The following JMJD1C variants were observed in gnomAD, a reference collection of about 807,000 sequenced individuals.
The protein encoded by JMJD1C is jumonji domain-containing protein 1C.
A neutral mutation model predicts 245.3 loss-of-function variants in JMJD1C; 31 were observed. The observed-to-expected ratio is 0.13, with a 90% CI of 0.09 to 0.17. The LOEUF (loss-of-function observed/expected upper bound fraction) is 0.17. Among genes scored for constraint, JMJD1C ranks in the 10% least tolerant of loss-of-function variants. JMJD1C has a pLI of 1.00. For synonymous variants in JMJD1C, 1,057 were observed against 1,017.4 expected, an observed-to-expected ratio of 1.04 and a Z score of -0.74; for missense variants, 2,691 against 3,000.2, an observed-to-expected ratio of 0.90 and a Z score of 2.41.
chr10:63,389,364 A>G (rs1020746285), intron 1 of JMJD1C, among the ~76,000 whole-genome samples: 3 of 150,628 alleles, frequency 2.0e-5, no homozygotes, highest in Non-Finnish European at 4.4e-5. Context: ...GAGAAAGAGT[A>G]CAATAATAAT....
chr10:63,454,095 T>C (rs1456735525), intron 1 of JMJD1C, among the ~76,000 whole-genome samples: 2 of 152,176 alleles, frequency 1.3e-5, no homozygotes, highest in African/African-American at 2.4e-5. Flanking sequence ...TTTAACTTTT[T>C]AATGGTTACT....
intron 1 of JMJD1C, among the ~76,000 whole-genome samples, chr10:63,495,012 A>G (rs949662270): frequency 1.3e-5 from 2 of 152,198 alleles, no homozygotes; most frequent in African/African-American, 2.4e-5. Context: ...ACAATTTAGT[A>G]TTTATAATGC....
At chr10:63,304,652 TG>T (rs1329685737) in intron 2 of JMJD1C, among the ~76,000 whole-genome samples, 1 of 152,240 alleles carries the variant, frequency 6.6e-6, no homozygotes, top group Non-Finnish European at 1.5e-5. Flanking sequence ...GACAATAGTC[TG>T]TATAGTAAAA....
chr10:63,244,891 C>T (rs1259550828), intron 3 of JMJD1C, among the ~76,000 whole-genome samples: 2 of 151,756 alleles, frequency 1.3e-5, no homozygotes, highest in African/African-American at 4.8e-5. Flanking sequence ...AATCCCAGCA[C>T]TTTGGGAGGC....
intron 2 of JMJD1C, among the ~76,000 whole-genome samples, chr10:63,295,749 G>A (rs1859300319): frequency 6.6e-6 from 1 of 151,850 alleles, no homozygotes; most frequent in Non-Finnish European, 1.5e-5. Flanking sequence ...TTTAAACAAT[G>A]AATTAGTAAA....
chr10:63,173,632 G>T (rs1842603050), intron 24 of JMJD1C, among the ~76,000 whole-genome samples: 1 of 152,058 alleles, frequency 6.6e-6, no homozygotes, highest in Non-Finnish European at 1.5e-5. Context: ...TGTGGTGGGG[G>T]GATCACTTGA....
At chr10:63,422,766 A>C (rs1456530061) in intron 1 of JMJD1C, among the ~76,000 whole-genome samples, 2 of 152,220 alleles carry the variant, frequency 1.3e-5, no homozygotes, top group African/African-American at 4.8e-5. Flanking sequence ...AAATATTCAA[A>C]TGGATGATAT....
At chr10:63,242,939 T>TGAA in intron 3 of JMJD1C, among the ~76,000 whole-genome samples, 1 of 151,540 alleles carries the variant, frequency 6.6e-6, no homozygotes, top group South Asian at 2.1e-4. Flanking sequence ...AAATAAAAAT[T>TGAA]TAAGTGGTTA....
intron 2 of JMJD1C, among the ~76,000 whole-genome samples, chr10:63,265,473 C>T (rs1855447786): frequency 6.6e-6 from 1 of 152,110 alleles, no homozygotes; most frequent in African/African-American, 2.4e-5. Context: ...TGAGATTTAA[C>T]TCGTATCTTG....
chr10:63,367,354 C>A (rs1288389705), intron 2 of JMJD1C, among the ~76,000 whole-genome samples: 1 of 152,128 alleles, frequency 6.6e-6, no homozygotes, highest in East Asian at 1.9e-4. Flanking sequence ...TCGAGCAATT[C>A]TCCTGCCTCA....
exon 1 of JMJD1C, chr10:63,521,798 G>T: frequency 3.3e-6 from 1 of 305,016 alleles, no homozygotes; most frequent in Admixed American, 5.1e-5. Flanking sequence ...CGGCGACTGC[G>T]GCTGCGACGG....
At chr10:63,263,825 T>C (rs568592937) in intron 3 of JMJD1C, among the ~76,000 whole-genome samples, 73 of 150,872 alleles carry the variant, frequency 4.8e-4, no homozygotes, top group Admixed American at 1.1e-3. Context: ...CCAGCTGCTC[T>C]GGAGGCTGAG....
intron 1 of JMJD1C, among the ~76,000 whole-genome samples, chr10:63,381,759 C>A (rs985757760): frequency 3.9e-5 from 6 of 152,090 alleles, no homozygotes; most frequent in African/African-American, 1.2e-4. Flanking sequence ...TCAGATTATA[C>A]CCCTTAGTTA....
chr10:63,513,917 GATAAAATAAAATAAA>G (rs566826128), intron 1 of JMJD1C, among the ~76,000 whole-genome samples: 5 of 151,378 alleles, frequency 3.3e-5, no homozygotes, highest in African/African-American at 1.2e-4. Flanking sequence ...TAGCTCAAAA[GATAAAATAAAATAAA>G]ATAAAATAAA....
At chr10:63,219,435 G>T (rs1236903065) in intron 4 of JMJD1C, among the ~76,000 whole-genome samples, 2 of 152,138 alleles carry the variant, frequency 1.3e-5, no homozygotes, top group Non-Finnish European at 2.9e-5. Context: ...GTCACACGTT[G>T]TAACATACTA....
chr10:63,491,646 G>T (rs531696741), intron 1 of JMJD1C, among the ~76,000 whole-genome samples: 49 of 152,266 alleles, frequency 3.2e-4, no homozygotes, highest in African/African-American at 1.2e-3. Context: ...CTGAAAATTT[G>T]CTTTGGAGTA....
At chr10:63,510,517 T>C (rs948139576) in intron 1 of JMJD1C, among the ~76,000 whole-genome samples, 6 of 152,268 alleles carry the variant, frequency 3.9e-5, no homozygotes, top group Non-Finnish European at 8.8e-5. Flanking sequence ...TTTCTAGCTA[T>C]CTTTCAGTTA....
At position 63,193,427 on chromosome 10, in the gene JMJD1C, T is replaced by A. The variant is rs1434364861; in HGVS notation, c.5780A>T (p.Tyr1927Phe). Reference sequence around the variant, plus strand: ...ACAATGACAATGGGATTTAATACCATATTTTTCCCTAAGAGTGTGCATGGC... The same window carrying A: ...ACAATGACAATGGGATTTAATACCAAATTTTTCCCTAAGAGTGTGCATGGC... ...LDAMHTLREK[Y>F]GIKSHCHCTN... The change falls in exon 15 of 26, where the codon TAT becomes TTT. Residue 1927 changes from tyrosine (Y) to phenylalanine (F), a missense_variant. By Grantham distance (22) the Tyr-to-Phe change is conservative. This residue lies in a region of JMJD1C where 275 missense variants were observed against 285.5 expected (regional missense o/e 0.96). Coordinates refer to ENST00000399262, the MANE Select transcript of JMJD1C (RefSeq NM_032776.3). 1.3e-6 allele frequency: 2 copies of A among 1,599,312 alleles called. No homozygotes were observed. Among genetic ancestry groups the A allele is most frequent in the East Asian group, 4.5e-5 (2 of 44,706 alleles).
intron 2 of JMJD1C, among the ~76,000 whole-genome samples, chr10:63,266,496 T>C (rs1246366335): frequency 1.3e-5 from 2 of 152,134 alleles, no homozygotes; most frequent in South Asian, 2.1e-4. Context: ...ACGTGACCAA[T>C]TGACATGAAA....
Sources: gnomAD v4.1 joint callset for allele counts (sites outside exome capture counted in the v4.1 genomes callset) on GRCh38, gnomAD v4.1.1 for gene constraint, gnomAD v4.1.1 regional missense constraint, MANE v1.5 for transcripts, NCBI Gene and HGNC (gene_info 2026-07-23, HGNC 2026-07-21) for gene names.